Variants in HDAC4 observed in about 807,000 individuals in gnomAD.
The protein encoded by HDAC4 is histone deacetylase A.
Under a neutral mutation model 135.1 loss-of-function variants are expected in HDAC4, and 16 were observed. The observed-to-expected ratio is 0.12, with a 90% CI of 0.08 to 0.18. HDAC4 has a LOEUF of 0.18. Ranked by LOEUF, HDAC4 falls within the 10% of genes least tolerant of loss-of-function variation. The pLI is 1.00. For synonymous variants in HDAC4, 685 were observed against 653.4 expected (o/e 1.05, Z -0.74); for missense variants, 1,143 against 1,511.8 (o/e 0.76, Z 4.05).
intron 3 of HDAC4, among the ~76,000 whole-genome samples, chr2:239,218,300 C>T (rs1006471749): frequency 6.6e-6 from 1 of 151,842 alleles, no homozygotes; most frequent in Non-Finnish European, 1.5e-5. Context: ...ACAGAGCCCT[C>T]AGAAATAACA....
At chr2:239,183,457 C>T (rs1321577488) in intron 4 of HDAC4, among the ~76,000 whole-genome samples, 5 of 152,344 alleles carry the variant, frequency 3.3e-5, no homozygotes, top group Admixed American at 3.3e-4. Context: ...TAAGCTGCCG[C>T]CCATGGATGG....
chr2:239,179,837 A>T (rs570127932), intron 4 of HDAC4, among the ~76,000 whole-genome samples: 1 of 152,370 alleles, frequency 6.6e-6, no homozygotes, highest in South Asian at 2.1e-4. Flanking sequence ...GAGGCGGCAC[A>T]AGCCTTCTGC....
chr2:239,098,442 A>G (rs1327914466), intron 16 of HDAC4, among the ~76,000 whole-genome samples: 1 of 152,216 alleles, frequency 6.6e-6, no homozygotes, highest in African/African-American at 2.4e-5. Flanking sequence ...CGCTGTGCCA[A>G]GTCATTTTCC....
chr2:239,137,907 C>T (rs1021984009), intron 9 of HDAC4, among the ~76,000 whole-genome samples: 7 of 152,190 alleles, frequency 4.6e-5, no homozygotes, highest in African/African-American at 1.4e-4. Flanking sequence ...TATTAATTTC[C>T]AGTAGCTTCA....
chr2:239,261,776 C>T (rs185971552), intron 2 of HDAC4, among the ~76,000 whole-genome samples: 2 of 151,708 alleles, frequency 1.3e-5, no homozygotes, highest in African/African-American at 2.4e-5. Flanking sequence ...TCTTAGAAGG[C>T]GAGGTTTCCA....
chr2:239,291,296 G>A (rs1422958180), intron 2 of HDAC4, among the ~76,000 whole-genome samples: 2 of 152,228 alleles, frequency 1.3e-5, no homozygotes, highest in East Asian at 1.9e-4. Context: ...GCTGGCCAGG[G>A]CCAAGTGCAC....
intron 3 of HDAC4, among the ~76,000 whole-genome samples, chr2:239,208,326 CAAAAAAAAAAAAAAA>C (rs759398313): frequency 1.0e-4 from 7 of 68,208 alleles, no homozygotes; most frequent in Non-Finnish European, 1.4e-4. Flanking sequence ...GACTCCGTCC[CAAAAAAAAAAAAAAA>C]AAAAAAAAAA....
chr2:239,394,870 C>A (rs1457459026), intron 1 of HDAC4, among the ~76,000 whole-genome samples: 1 of 152,224 alleles, frequency 6.6e-6, no homozygotes, highest in Non-Finnish European at 1.5e-5. Flanking sequence ...ACAGAGCAGG[C>A]ATGAGGCCCT....
rs1383409222 is a variant in HDAC4, at chr2:239,156,639, C to G, written c.733+13G>C. ...AGGAGACCTCCCGGCCCACAGCATG[C>G]CTGGGCACTGACCTGTTTTCCTAAG... On this transcript the variant is annotated intron_variant, in intron 7 of 26. Coordinates refer to ENST00000543185, the MANE Select transcript of HDAC4 (RefSeq NM_001378414.1). 6.2e-7 allele frequency: 1 copy of G among 1,613,924 alleles called. No individual in the cohort carries two copies. Among genetic ancestry groups the G allele is most frequent in the African/African-American group, 1.3e-5 (1 of 74,910 alleles).
rs550928457 is a variant in HDAC4 at position 239,111,270 on chromosome 2, C to A, written c.1978+256G>T. On this transcript the variant is annotated intron_variant, in intron 14 of 26. Coordinates refer to ENST00000543185, the MANE Select transcript of HDAC4 (RefSeq NM_001378414.1). ...GGCTGTGGACTGTTCTTGGAGGAGACCATGGGTCTCTGGGACAGGAAAGTG... is the reference window on the plus strand; with the variant it reads ...GGCTGTGGACTGTTCTTGGAGGAGAACATGGGTCTCTGGGACAGGAAAGTG... Among the ~76,000 whole-genome samples, 143 of 152,340 alleles carry A rather than the reference C, an allele frequency of 9.4e-4. 1 individual carries two copies. Among genetic ancestry groups the A allele is most frequent in the Middle Eastern group, 3.4e-3 (1 of 294 alleles).
At chr2:239,322,970 C>T (rs1028060447) in intron 2 of HDAC4, among the ~76,000 whole-genome samples, 1 of 152,134 alleles carries the variant, frequency 6.6e-6, no homozygotes, top group Non-Finnish European at 1.5e-5. Context: ...GTGGGGTGCA[C>T]GTGCCACAAA....
intron 2 of HDAC4, among the ~76,000 whole-genome samples, chr2:239,272,771 A>T (rs1005928811): frequency 6.6e-6 from 1 of 152,068 alleles, no homozygotes; most frequent in Non-Finnish European, 1.5e-5. Flanking sequence ...ATGCCCTCTG[A>T]CTCTGGCAGA....
chr2:239,126,195 C>G (rs1273660539), intron 12 of HDAC4, among the ~76,000 whole-genome samples: 1 of 152,236 alleles, frequency 6.6e-6, no homozygotes, highest in Non-Finnish European at 1.5e-5. Flanking sequence ...CTCACACGGG[C>G]TGGTGGGAGA....
At chr2:239,311,379 A>G (rs913424346) in intron 2 of HDAC4, among the ~76,000 whole-genome samples, 1 of 152,224 alleles carries the variant, frequency 6.6e-6, no homozygotes, top group Non-Finnish European at 1.5e-5. Context: ...GCATTTGTCA[A>G]GCGCCGAGCA....
intron 11 of HDAC4, among the ~76,000 whole-genome samples, chr2:239,132,895 C>T (rs1420035549): frequency 6.6e-6 from 1 of 152,192 alleles, no homozygotes; most frequent in Non-Finnish European, 1.5e-5. Flanking sequence ...TACCCACACT[C>T]GTGCCAGCTG....
chr2:239,208,166 CAA>C (rs56710767), intron 3 of HDAC4, among the ~76,000 whole-genome samples: 3 of 140,836 alleles, frequency 2.1e-5, no homozygotes, highest in Admixed American at 7.1e-5. Context: ...ACTAAAAATA[CAA>C]AAAAAAAAAA....
chr2:239,120,191 A>G lies in HDAC4; in HGVS notation c.1534-4881T>C, dbSNP rs143126036. 5.3e-3 allele frequency among the ~76,000 whole-genome samples: 803 copies of G among 152,306 alleles called. 7 individuals carry two copies. The highest frequency in any genetic ancestry group is 0.018 in the African/African-American group (744 of 41,568). On this transcript the variant is annotated intron_variant, in intron 12 of 26. Transcript: ENST00000543185. ...CAGATTCGAGTCTGGGATTTGGGAG[A>G]CAGATCAGAACTGGAGCAGTACGCA... is the stretch of plus-strand genomic sequence containing the variant.
intron 3 of HDAC4, among the ~76,000 whole-genome samples, chr2:239,202,034 T>A (rs1264547257): frequency 2.0e-5 from 3 of 152,166 alleles, no homozygotes; most frequent in Non-Finnish European, 4.4e-5. Context: ...TCCACCCCCC[T>A]GCAGGCATCT....
chr2:239,301,066 G>A (rs547126480), intron 2 of HDAC4, among the ~76,000 whole-genome samples: 11 of 152,268 alleles, frequency 7.2e-5, no homozygotes, highest in African/African-American at 1.7e-4. Context: ...CTGCTCAGCC[G>A]GGTCCCTCAG....
Sources: gnomAD v4.1 joint callset for allele counts (sites outside exome capture counted in the v4.1 genomes callset) on GRCh38, gnomAD v4.1.1 for gene constraint, MANE v1.5 for transcripts, NCBI Gene and HGNC (gene_info 2026-07-23, HGNC 2026-07-21) for gene names.